The following MYT1 variants were observed in gnomAD, a reference collection of about 807,000 sequenced individuals.
MYT1 encodes myelin transcription factor I.
In MYT1, 23 loss-of-function variants were observed where a neutral mutation model predicts 123.0. That is an observed-to-expected ratio of 0.19 (90% CI 0.13 to 0.26). The LOEUF is 0.26. Ranked by LOEUF, MYT1 falls within the 10% of genes least tolerant of loss-of-function variation. The probability of loss-of-function intolerance (pLI) is 1.00; values close to 1 mark genes in which losing one functional copy is unlikely to be tolerated. For missense variants in MYT1, 1,125 were observed against 1,472.5 expected (o/e 0.76, Z 3.86); for synonymous variants, 518 against 575.3 (o/e 0.90, Z 1.43).
At chr20:64,194,051 AG>A (rs1476007224) in intron 2 of MYT1, among the ~76,000 whole-genome samples, 4 of 152,174 alleles carry the variant, frequency 2.6e-5, no homozygotes. Flanking sequence ...CCCCAGCCCC[AG>A]GGTTTCAGAG....
chr20:64,198,964 C>G, intron 3 of MYT1, 48 bp downstream of exon 3: 1 of 1,600,040 alleles, frequency 6.2e-7, no homozygotes, highest in Non-Finnish European at 8.6e-7. Flanking sequence ...CCACTTTCCT[C>G]CGCGGTCTTC....
chr20:64,216,502 TAAG>T (rs1163481316), intron 10 of MYT1, among the ~76,000 whole-genome samples: 2 of 152,240 alleles, frequency 1.3e-5, no homozygotes, highest in African/African-American at 4.8e-5. Context: ...AACACAGCTT[TAAG>T]AAGAGGGCAG....
At position 64,202,347 on chromosome 20, in the gene MYT1, G is replaced by A. The variant is rs975036765; in HGVS notation, c.86+2425G>A. Among the ~76,000 whole-genome samples, 3 of 152,138 alleles carry A rather than the reference G, an allele frequency of 2.0e-5. No homozygotes were observed. The highest frequency in any genetic ancestry group is 4.4e-5 in the Non-Finnish European group (3 of 68,034). On this transcript the variant is annotated intron_variant, in intron 4 of 22. Transcript: ENST00000328439. The surrounding 1 kb of genome is among the most constrained non-coding windows in gnomAD (Gnocchi z 5.0). Reference sequence around the variant, plus strand: ...TCACCCCATCGGGAGAACTGATGACGTTTCAGCTTGTATTTTTGCCTGGGT... The same window carrying A: ...TCACCCCATCGGGAGAACTGATGACATTTCAGCTTGTATTTTTGCCTGGGT...
In MYT1 at chr20:64,240,648, T is replaced by C. The variant is rs1202386587; in HGVS notation, c.*200T>C. On this transcript the variant is annotated 3_prime_UTR_variant, in exon 23 of 23. Transcript: ENST00000328439. ...CAGGCTTGGGGCCGTGGTGGCCCTA[T>C]CTGTGTGCATAGGGGCACTGAAGAA... 1 of 621,496 alleles carries C rather than the reference T, an allele frequency of 1.6e-6. No homozygotes were observed. The highest frequency in any genetic ancestry group is 2.7e-6 in the Non-Finnish European group (1 of 372,306). The allele number at this position is 621,496 out of a possible 1,614,324, so 38.5% of individuals were successfully genotyped here.
In MYT1 at chr20:64,208,354, C is replaced by T. The variant is rs754153617; in HGVS notation, c.1158C>T (p.Ala386=). 1.5e-5 allele frequency: 25 copies of T among 1,613,872 alleles called. No individual in the cohort carries two copies. Among genetic ancestry groups the T allele is most frequent in the Non-Finnish European group, 8.5e-7 (1 of 1,180,038 alleles). ...GNLGLLEQAI[A]LKAEQVRTVC... ...TGGGCCTCCTGGAGCAGGCCATCGCCCTGAAGGCTGAACAGGTGCGCACAG... is the reference window on the plus strand; with the variant it reads ...TGGGCCTCCTGGAGCAGGCCATCGCTCTGAAGGCTGAACAGGTGCGCACAG... Residue 386 remains alanine (A), a synonymous_variant, in exon 7 of 23, where the codon GCC becomes GCT. Transcript: ENST00000328439. This position sits in a 1 kb window ranked among gnomAD's most constrained non-coding sequence, Gnocchi z 5.4.
chr20:64,195,133 C>T (rs141924628), intron 2 of MYT1, among the ~76,000 whole-genome samples: 10 of 152,198 alleles, frequency 6.6e-5, no homozygotes, highest in South Asian at 2.1e-4. Flanking sequence ...GGATTACAGG[C>T]GTGAGCCACC....
At chr20:64,178,391 G>C (rs1982529935) in intron 1 of MYT1, among the ~76,000 whole-genome samples, 1 of 152,242 alleles carries the variant, frequency 6.6e-6, no homozygotes, top group South Asian at 2.1e-4. Flanking sequence ...CACGTGCTGT[G>C]CGTGGTCCTG....
intron 2 of MYT1, among the ~76,000 whole-genome samples, 199 bp from the exon 3 acceptor site, chr20:64,198,663 C>T (rs1408949944): frequency 6.6e-6 from 1 of 152,218 alleles, no homozygotes; most frequent in Non-Finnish European, 1.5e-5. Flanking sequence ...TGTAGAAGGT[C>T]CTTTCTCTAC....
chr20:64,168,225 G>A lies in MYT1; in HGVS notation c.-99+3486G>A, dbSNP rs187443811. 1.8e-3 allele frequency among the ~76,000 whole-genome samples: 275 copies of A among 152,356 alleles called. No individual in the cohort carries two copies. The highest frequency in any genetic ancestry group is 6.0e-3 in the African/African-American group (249 of 41,574). ...TTGATCTCAGGCTTCCACGGAGCCA[G>A]CTTCAGAGAGAAGAGATTAATGGAT... On this transcript the variant is annotated intron_variant, in intron 1 of 22. Transcript: ENST00000328439. The surrounding 1 kb of genome is among the most constrained non-coding windows in gnomAD (Gnocchi z 6.1).
intron 1 of MYT1, among the ~76,000 whole-genome samples, chr20:64,184,072 A>C (rs527451570): frequency 1.3e-5 from 2 of 152,138 alleles, no homozygotes; most frequent in South Asian, 2.1e-4. Flanking sequence ...TGCTTGCCTC[A>C]GTCTCCCAAA....
chr20:64,170,443 C>T (rs1274455352), intron 1 of MYT1, among the ~76,000 whole-genome samples: 1 of 152,032 alleles, frequency 6.6e-6, no homozygotes, highest in African/African-American at 2.4e-5. Flanking sequence ...CAAGTCTGGA[C>T]CAGGGAAGGA....
At chr20:64,179,946 T>C (rs1378176552) in intron 1 of MYT1, among the ~76,000 whole-genome samples, 3 of 150,298 alleles carry the variant, frequency 2.0e-5, no homozygotes, top group African/African-American at 7.4e-5. Context: ...CACACACAGT[T>C]ACACATTTGC....
Position 64,212,736 on chromosome 20 carries a change from G to C in MYT1, c.1517+598G>C, listed in dbSNP as rs1983718071. Reference sequence around the variant, plus strand: ...GCTTTGTGGGAGTTCTGAGGCCCAGGTGGAAGTGAAGCTTCCCGACCACCC... The same window carrying C: ...GCTTTGTGGGAGTTCTGAGGCCCAGCTGGAAGTGAAGCTTCCCGACCACCC... On this transcript the variant is annotated intron_variant, in intron 9 of 22. Coordinates refer to ENST00000328439, the MANE Select transcript of MYT1 (RefSeq NM_004535.3). This position sits in a 1 kb window ranked among gnomAD's most constrained non-coding sequence, Gnocchi z 6.8. 6.6e-6 allele frequency among the ~76,000 whole-genome samples: 1 copy of C among 152,094 alleles called. No homozygotes were observed. Among genetic ancestry groups the C allele is most frequent in the Non-Finnish European group, 1.5e-5 (1 of 68,018 alleles).
At chr20:64,227,613 T>C in intron 17 of MYT1, 136 bp downstream of exon 17, 1 of 887,516 alleles carries the variant, frequency 1.1e-6, no homozygotes, top group Non-Finnish European at 1.7e-6. Context: ...TTGTTGCCAT[T>C]TCCAGAACCT....
chr20:64,212,084 C>T lies in MYT1; in HGVS notation c.1463C>T (p.Thr488Ile). The change falls in exon 9 of 23, where the codon ACT becomes ATT. Residue 488 changes from threonine (T) to isoleucine (I), a missense_variant. Around this residue, in one of 4 missense-constraint regions of MYT1, gnomAD observed 429 missense variants for 604.1 expected, o/e 0.71. Coordinates refer to ENST00000328439, the MANE Select transcript of MYT1 (RefSeq NM_004535.3). This position sits in a 1 kb window ranked among gnomAD's most constrained non-coding sequence, Gnocchi z 6.8. ...CATGAGAACGTGCTGAAGTGCCCCA[C>T]TCCTGGCTGCACAGGCCAGGGTCAC... ...AMHENVLKCP[T>I]PGCTGQGHVN... The T allele has an allele frequency of 6.2e-7, 1 of 1,613,908 alleles. No homozygotes were observed. Among genetic ancestry groups the T allele is most frequent in the Non-Finnish European group, 8.5e-7 (1 of 1,179,928 alleles).
intron 21 of MYT1, among the ~76,000 whole-genome samples, chr20:64,237,621 G>T (rs912596989): frequency 3.3e-5 from 5 of 152,172 alleles, no homozygotes; most frequent in Non-Finnish European, 7.4e-5. Context: ...TGGTTGTCCC[G>T]CCAGGGCTGT....
intron 14 of MYT1, among the ~76,000 whole-genome samples, 180 bp downstream of exon 14, chr20:64,222,227 T>G (rs1185425686): frequency 6.6e-6 from 1 of 152,148 alleles, no homozygotes; most frequent in Non-Finnish European, 1.5e-5. Context: ...CCCAACACCT[T>G]TGTGTTGTGC....
intron 14 of MYT1, 22 bp downstream of exon 14, chr20:64,222,069 A>C (rs1275065356): frequency 6.2e-7 from 1 of 1,611,650 alleles, no homozygotes; most frequent in Non-Finnish European, 8.5e-7. Context: ...TTTGGCTGGC[A>C]CAGCTCCTAG....
chr20:64,180,011 T>C (rs1326318139), intron 1 of MYT1, among the ~76,000 whole-genome samples: 2 of 147,496 alleles, frequency 1.4e-5, no homozygotes, highest in Non-Finnish European at 3.0e-5. Flanking sequence ...CCACACACGC[T>C]ACACACATGC....
Sources: allele counts gnomAD v4.1 joint callset (sites outside exome capture counted in the v4.1 genomes callset), GRCh38; gene constraint gnomAD v4.1.1; regional missense constraint gnomAD v4.1.1; non-coding constraint Gnocchi (gnomAD v3.1); transcripts MANE v1.5; gene names NCBI Gene and HGNC (gene_info 2026-07-23, HGNC 2026-07-21).